DPP10: variants seen among roughly 807,000 people sequenced by gnomAD.
DPP10 encodes the protein inactive dipeptidyl peptidase 10.
A neutral mutation model predicts 120.9 loss-of-function variants in DPP10; 33 were observed. The ratio of observed to expected loss-of-function variants is 0.27; its 90% CI spans 0.21 to 0.37. DPP10 has a LOEUF of 0.37. DPP10 is among the 10% of genes least tolerant of loss of function. The pLI is 1.00. For synonymous variants in DPP10, 337 were observed against 326.1 expected, an observed-to-expected ratio of 1.03 and a Z score of -0.36; for missense variants, 816 against 942.8, an observed-to-expected ratio of 0.87 and a Z score of 1.76.
intron 9 of DPP10, among the ~76,000 whole-genome samples, chr2:115,741,885 G>T: frequency 6.6e-6 from 1 of 152,058 alleles, no homozygotes; most frequent in East Asian, 1.9e-4. Context: ...ACAAACCAAT[G>T]GGAGCATTTG....
rs368983828 is a variant in DPP10 at position 115,628,817 on chromosome 2, TTTA to T, written c.442-60856_442-60854del. ...GTTTTTTTTCTAGGTCAAGTTTTTT[TTTA>T]TTATTATTATTATACTTTAAGTTTT... On this transcript the variant is annotated intron_variant, in intron 5 of 25. Transcript: ENST00000410059. 2.1e-4 allele frequency among the ~76,000 whole-genome samples: 32 copies of T among 151,920 alleles called. 1 individual carries two copies. In the East Asian group the frequency reaches 6.2e-3, roughly 29 times the overall value.
intron 2 of DPP10, among the ~76,000 whole-genome samples, chr2:115,342,461 G>A (rs2063497721): frequency 6.6e-6 from 1 of 152,006 alleles, no homozygotes; most frequent in South Asian, 2.1e-4. Context: ...TGATCCACCC[G>A]CCTTGGCCTC....
chr2:115,379,761 C>G (rs2066145876), intron 3 of DPP10, among the ~76,000 whole-genome samples: 1 of 152,048 alleles, frequency 6.6e-6, no homozygotes, highest in Non-Finnish European at 1.5e-5. Context: ...TGTATTTGTT[C>G]TCGTTGGTTT....
At chr2:115,273,224 T>C (rs1460100268) in intron 1 of DPP10, among the ~76,000 whole-genome samples, 8 of 152,224 alleles carry the variant, frequency 5.3e-5, no homozygotes, top group Admixed American at 1.3e-4. Context: ...TTTTCAATTT[T>C]ATTCATTGAT....
chr2:114,442,807 A>C lies in DPP10; in HGVS notation c.29A>C (p.His10Pro). The C allele has an allele frequency of 6.2e-7, 1 of 1,613,460 alleles. No homozygotes were observed. The highest frequency in any genetic ancestry group is 8.5e-7 in the Non-Finnish European group (1 of 1,179,556). The change falls in exon 1 of 26, where the codon CAC becomes CCC. Residue 10 changes from histidine to proline, a missense_variant. His to Pro is a moderately conservative substitution (Grantham distance 77). This residue lies in a region of DPP10 where 182 missense variants were observed against 207.4 expected (regional missense o/e 0.88). Coordinates refer to ENST00000410059, the MANE Select transcript of DPP10 (RefSeq NM_020868.6). MNQTASVSH[H>P]IKCQPSKTIK... is the part of the protein sequence containing the mutation. Reference sequence around the variant, plus strand: ...AACCAAACTGCCAGCGTGTCCCATCACATCAAGTGTCAACCCTCAAAAACA... The same window carrying C: ...AACCAAACTGCCAGCGTGTCCCATCCCATCAAGTGTCAACCCTCAAAAACA...
At chr2:115,134,330 T>C (rs570933665) in intron 1 of DPP10, among the ~76,000 whole-genome samples, 1 of 152,266 alleles carries the variant, frequency 6.6e-6, no homozygotes, top group East Asian at 1.9e-4. Flanking sequence ...AGAGTAACTA[T>C]TTGGACCCAT....
At chr2:114,500,567 T>A (rs563420896) in intron 1 of DPP10, among the ~76,000 whole-genome samples, 1 of 152,220 alleles carries the variant, frequency 6.6e-6, no homozygotes, top group East Asian at 1.9e-4. Flanking sequence ...CTAACGGCAG[T>A]AAAAACCAAG....
intron 1 of DPP10, among the ~76,000 whole-genome samples, chr2:114,871,615 CTTATTT>C (rs977508268): frequency 6.6e-6 from 1 of 152,124 alleles, no homozygotes; most frequent in African/African-American, 2.4e-5. Context: ...GTACTAAGTA[CTTATTT>C]TTATTTTTTT....
intron 1 of DPP10, among the ~76,000 whole-genome samples, chr2:114,902,451 T>C (rs1693658047): frequency 6.6e-6 from 1 of 152,198 alleles, no homozygotes; most frequent in Middle Eastern, 3.2e-3. Context: ...CTGGTACTAA[T>C]ATCACATTTT....
intron 1 of DPP10, among the ~76,000 whole-genome samples, chr2:114,560,652 C>G (rs1403867288): frequency 6.6e-6 from 1 of 152,142 alleles, no homozygotes; most frequent in African/African-American, 2.4e-5. Flanking sequence ...TCACTCTGCT[C>G]CCCTCACCAC....
At chr2:114,579,108 A>G (rs575029124) in intron 1 of DPP10, among the ~76,000 whole-genome samples, 11 of 152,336 alleles carry the variant, frequency 7.2e-5, no homozygotes, top group Non-Finnish European at 1.2e-4. Context: ...GCTAGCAGCT[A>G]TAGAGGAGAT....
chr2:115,767,478 TGTGTGTGTGTGTATATATATATACACATA>T (rs770971530), intron 12 of DPP10, among the ~76,000 whole-genome samples: 3,284 of 150,708 alleles, frequency 0.022, 65 homozygotes, highest in Admixed American at 0.055. Context: ...CATATATGTG[TGTGTGTGTGTGTATATATATATACACATA>T]GTGTGTGTGT....
chr2:115,621,377 C>T (rs1045652128), intron 5 of DPP10, among the ~76,000 whole-genome samples: 2 of 152,032 alleles, frequency 1.3e-5, no homozygotes, highest in Non-Finnish European at 2.9e-5. Flanking sequence ...TGATGTTTTA[C>T]TTATGTTTGA....
intron 1 of DPP10, among the ~76,000 whole-genome samples, chr2:114,610,163 T>C (rs1426470186): frequency 2.0e-5 from 3 of 152,142 alleles, no homozygotes; most frequent in African/African-American, 7.2e-5. Flanking sequence ...GTTCTTTGCT[T>C]CCCCACATTG....
chr2:115,253,612 C>T (rs2058846625), intron 1 of DPP10, among the ~76,000 whole-genome samples: 2 of 152,168 alleles, frequency 1.3e-5, no homozygotes, highest in African/African-American at 4.8e-5. Context: ...GCCCTAGGTC[C>T]CATGCGAGTT....
intron 1 of DPP10, among the ~76,000 whole-genome samples, chr2:115,279,755 T>A (rs1445119568): frequency 6.9e-6 from 1 of 145,704 alleles, no homozygotes; most frequent in Non-Finnish European, 1.5e-5. Flanking sequence ...TCTGCCTCCT[T>A]GCTTTAAGCG....
In DPP10 at chr2:115,836,678, C is replaced by G; in HGVS notation, c.2114C>G (p.Ala705Gly). 3 of 1,612,418 alleles carry G rather than the reference C, an allele frequency of 1.9e-6. No homozygotes were observed. The highest frequency in any genetic ancestry group is 2.5e-6 in the Non-Finnish European group (3 of 1,179,376). Residue 705 changes from alanine (A) to glycine (G), a missense_variant, in exon 24 of 26, where the codon GCC becomes GGC. This residue lies in a region of DPP10 where 592 missense variants were observed against 649.0 expected (regional missense o/e 0.91). Coordinates refer to ENST00000410059, the MANE Select transcript of DPP10 (RefSeq NM_020868.6). ...PSKEESTYQA[A>G]SVLHNVHGLK... Reference sequence around the variant, plus strand: ...TATTTGTATTTTCCTTTATAGGCAGCCAGTGTGCTACATAATGTTCATGGC... The same window carrying G: ...TATTTGTATTTTCCTTTATAGGCAGGCAGTGTGCTACATAATGTTCATGGC...
intron 5 of DPP10, among the ~76,000 whole-genome samples, chr2:115,676,295 G>A (rs996794123): frequency 3.3e-5 from 5 of 152,228 alleles, no homozygotes; most frequent in Non-Finnish European, 7.4e-5. Flanking sequence ...AATTTTTATA[G>A]AGACTATATT....
chr2:115,714,838 G>A (rs914436795), intron 7 of DPP10, among the ~76,000 whole-genome samples: 33 of 152,054 alleles, frequency 2.2e-4, no homozygotes, highest in African/African-American at 7.2e-4. Context: ...GACGAGCCTG[G>A]CCAAGATGGT....
Sources: allele counts gnomAD v4.1 joint callset (sites outside exome capture counted in the v4.1 genomes callset), GRCh38; gene constraint gnomAD v4.1.1; regional missense constraint gnomAD v4.1.1; transcripts MANE v1.5; gene names NCBI Gene and HGNC (gene_info 2026-07-23, HGNC 2026-07-21).